Variants in LTBP1 observed in about 807,000 individuals in gnomAD.
LTBP1 encodes latent transforming growth factor beta binding protein 1.
A neutral mutation model predicts 207.6 loss-of-function variants in LTBP1; 129 were observed. That is an observed-to-expected ratio of 0.62 (90% CI 0.54 to 0.72). The LOEUF is 0.72. Among genes scored for constraint, LTBP1 ranks in the 30% least tolerant of loss-of-function variants. The pLI, the probability that LTBP1 is intolerant of heterozygous loss-of-function variation, is 0.00. For synonymous variants in LTBP1, 963 were observed against 833.7 expected (o/e 1.16, Z -2.67); for missense variants, 2,281 against 2,217.2 (o/e 1.03, Z -0.58).
At chr2:33,183,548 A>T (rs2086884276) in intron 5 of LTBP1, among the ~76,000 whole-genome samples, 2 of 152,270 alleles carry the variant, frequency 1.3e-5, no homozygotes, top group South Asian at 4.1e-4. Flanking sequence ...TGGTAAGTGA[A>T]GTCTGAACCA....
At chr2:33,361,554 T>A in intron 28 of LTBP1, 39 bp downstream of exon 28, 2 of 1,397,892 alleles carry the variant, frequency 1.4e-6, no homozygotes, top group Non-Finnish European at 2.0e-6. Flanking sequence ...GCACATTGTG[T>A]ACATGTCAGA....
intron 3 of LTBP1, among the ~76,000 whole-genome samples, chr2:33,091,208 G>T (rs532300791): frequency 6.6e-6 from 1 of 152,138 alleles, no homozygotes; most frequent in Admixed American, 6.5e-5. Flanking sequence ...ACTCTCATTG[G>T]TGGTCGTGGG....
At chr2:32,967,979 A>G (rs1558450536) in intron 2 of LTBP1, among the ~76,000 whole-genome samples, 2 of 151,016 alleles carry the variant, frequency 1.3e-5, no homozygotes, top group Non-Finnish European at 3.0e-5. Context: ...CATTTCTATC[A>G]GTTTGTTTGT....
intron 5 of LTBP1, 144 bp from the exon 6 acceptor site, chr2:33,186,712 T>G (rs2087242984): frequency 1.6e-6 from 1 of 635,660 alleles, no homozygotes; most frequent in Non-Finnish European, 2.8e-6. Flanking sequence ...GCATAGCGAG[T>G]TTACTCCTCT....
rs1207733565 is a variant in LTBP1 at position 33,341,740 on chromosome 2, A to ATG, written c.3731-1097_3731-1096insGT. 1.4e-5 allele frequency among the ~76,000 whole-genome samples: 2 copies of ATG among 144,802 alleles called. 1 individual carries two copies. The highest frequency in any genetic ancestry group is 5.1e-5 in the African/African-American group (2 of 39,480). The allele number at this position is 144,802 out of a possible 152,430, so 95.0% of individuals were successfully genotyped here. A position where few individuals can be genotyped will look rare whatever the true frequency, so the allele number is the denominator to read the frequency against. Reference sequence around the variant, plus strand: ...AAAAAAAAAAAAAAAATATATATATATATATGTATATTTATATATAAAAAT... The same window carrying ATG: ...AAAAAAAAAAAAAAAATATATATATATGTATATGTATATTTATATATAAAAAT... On this transcript the variant is annotated intron_variant, in intron 24 of 33. Coordinates refer to ENST00000404816, the MANE Select transcript of LTBP1 (RefSeq NM_206943.4).
chr2:33,277,250 AG>A (rs2148460832), intron 18 of LTBP1, among the ~76,000 whole-genome samples: 2 of 152,276 alleles, frequency 1.3e-5, no homozygotes, highest in African/African-American at 4.8e-5. Context: ...TCTAGAGAGA[AG>A]TGGGAGTGTT....
At chr2:33,173,458 G>A (rs1181857068) in intron 5 of LTBP1, among the ~76,000 whole-genome samples, 5 of 152,148 alleles carry the variant, frequency 3.3e-5, no homozygotes. Flanking sequence ...AAACCAGGAA[G>A]AAGTTGAATC....
chr2:33,202,885 GTCT>G (rs2089475812), intron 7 of LTBP1, among the ~76,000 whole-genome samples: 2 of 152,214 alleles, frequency 1.3e-5, no homozygotes. Flanking sequence ...CTAGACATCT[GTCT>G]TCTTGCTGAG....
At chr2:33,372,698 AC>A (rs1445963220) in intron 31 of LTBP1, among the ~76,000 whole-genome samples, 1 of 151,932 alleles carries the variant, frequency 6.6e-6, no homozygotes. Context: ...ACGTGGTGAA[AC>A]CCCATCTCTA....
chr2:33,193,222 A>G (rs1327285662), intron 7 of LTBP1, among the ~76,000 whole-genome samples: 1 of 152,064 alleles, frequency 6.6e-6, no homozygotes, highest in Non-Finnish European at 1.5e-5. Context: ...TGACACTGCA[A>G]CCTCTGCCTC....
intron 7 of LTBP1, among the ~76,000 whole-genome samples, chr2:33,211,498 T>C (rs2090309098): frequency 6.6e-6 from 1 of 152,208 alleles, no homozygotes; most frequent in Non-Finnish European, 1.5e-5. Flanking sequence ...TTGGGATTAC[T>C]GGCTCAGAGA....
intron 24 of LTBP1, among the ~76,000 whole-genome samples, chr2:33,322,362 G>T (rs575725494): frequency 6.6e-6 from 1 of 152,262 alleles, no homozygotes; most frequent in East Asian, 1.9e-4. Flanking sequence ...TCAACAACCC[G>T]AGTCCTTTTT....
chr2:33,350,253 C>G (rs1275190161), intron 26 of LTBP1, among the ~76,000 whole-genome samples: 1 of 152,130 alleles, frequency 6.6e-6, no homozygotes, highest in Non-Finnish European at 1.5e-5. Flanking sequence ...CTATAAAACT[C>G]CCCCAGGACA....
intron 5 of LTBP1, among the ~76,000 whole-genome samples, chr2:33,141,460 T>A (rs562364483): frequency 6.6e-6 from 1 of 152,210 alleles, no homozygotes; most frequent in African/African-American, 2.4e-5. Context: ...TAAAAACACA[T>A]TTTAAAAATA....
intron 2 of LTBP1, among the ~76,000 whole-genome samples, chr2:32,985,928 A>G (rs891765382): frequency 2.0e-5 from 3 of 151,312 alleles, no homozygotes; most frequent in African/African-American, 7.3e-5. Context: ...CCCTTCTCAC[A>G]CCTATAAGCT....
In LTBP1 at chr2:32,947,344, G is replaced by T. The variant is rs541957559; in HGVS notation, c.20G>T (p.Arg7Met). The T allele has an allele frequency of 2.8e-4, 358 of 1,261,282 alleles. 4 individuals carry two copies. In the South Asian group the frequency reaches 8.6e-3, roughly 30 times the overall value. The allele number at this position is 1,261,282 out of a possible 1,614,324, so 78.1% of individuals were successfully genotyped here. The change falls in exon 1 of 34, where the codon AGG (arginine) becomes ATG (methionine). Residue 7 changes from arginine (R) to methionine (M), a missense_variant. By Grantham distance (91) the Arg-to-Met change is moderately conservative. This residue lies in a region of LTBP1 where 555 missense variants were observed against 491.0 expected (regional missense o/e 1.13). Coordinates refer to ENST00000404816, the MANE Select transcript of LTBP1 (RefSeq NM_206943.4). ...CCCGCGATGGCGGGGGCCTGGCTCA[G>T]GTGGGGGCTCCTGCTCTGGGCAGGG... Reference protein sequence around the residue: MAGAWLRWGLLLWAGLL... With the variant: MAGAWLMWGLLLWAGLL...
rs72867835 is a variant in LTBP1, at chr2:32,985,162, G to A, written c.566-35747G>A. Among the ~76,000 whole-genome samples, 740 of 152,098 alleles carry A rather than the reference G, an allele frequency of 4.9e-3. 4 individuals carry two copies. Among genetic ancestry groups the A allele is most frequent in the African/African-American group, 0.016 (654 of 41,474 alleles). ...TAGAAGGTCAAATCTGTTTTCCCCCGGAACACAGGAGAACACCCTACTTTT... is the reference window on the plus strand; with the variant it reads ...TAGAAGGTCAAATCTGTTTTCCCCCAGAACACAGGAGAACACCCTACTTTT... On this transcript the variant is annotated intron_variant, in intron 2 of 33. Coordinates refer to ENST00000404816, the MANE Select transcript of LTBP1 (RefSeq NM_206943.4).
intron 3 of LTBP1, among the ~76,000 whole-genome samples, chr2:33,095,830 AAAAC>A (rs1449683584): frequency 1.3e-5 from 2 of 152,174 alleles, no homozygotes; most frequent in Non-Finnish European, 2.9e-5. Flanking sequence ...TTTAATCTAG[AAAAC>A]AAAGAGAAAA....
chr2:33,034,843 G>GT (rs1301041999), intron 3 of LTBP1, among the ~76,000 whole-genome samples: 1 of 152,044 alleles, frequency 6.6e-6, no homozygotes, highest in African/African-American at 2.4e-5. Flanking sequence ...TCAATTAGTA[G>GT]AAGGGTTTAA....
Sources: allele counts gnomAD v4.1 joint callset (sites outside exome capture counted in the v4.1 genomes callset), GRCh38; gene constraint gnomAD v4.1.1; regional missense constraint gnomAD v4.1.1; transcripts MANE v1.5; gene names NCBI Gene and HGNC (gene_info 2026-07-23, HGNC 2026-07-21).